The following NDUFAF6 variants were observed in gnomAD, a reference collection of about 807,000 sequenced individuals.
NDUFAF6 encodes the protein NADH:ubiquinone oxidoreductase complex assembly factor 6.
In NDUFAF6, 45 loss-of-function variants were observed where a neutral mutation model predicts 40.8. That is an observed-to-expected ratio of 1.10 (90% CI 0.87 to 1.42). The LOEUF (loss-of-function observed/expected upper bound fraction) is 1.42, where lower values mean the gene tolerates loss of function less well. Ranked by LOEUF, NDUFAF6 falls within the 40% of genes most tolerant of loss-of-function variation. The pLI is 0.00. For synonymous variants in NDUFAF6, 185 were observed against 155.9 expected, an observed-to-expected ratio of 1.19 and a Z score of -1.39; for missense variants, 435 against 418.5, an observed-to-expected ratio of 1.04 and a Z score of -0.34.
intron 1 of NDUFAF6, chr8:94,928,211 A>C (rs1445805819): frequency 7.0e-6 from 1 of 142,058 alleles, no homozygotes; most frequent in East Asian, 2.1e-4. Context: ...AGCCCCAGGT[A>C]AGGCAAACAA....
intron 2 of NDUFAF6, among the ~76,000 whole-genome samples, chr8:94,952,585 T>C (rs1019944108): frequency 7.9e-5 from 12 of 152,318 alleles, no homozygotes; most frequent in African/African-American, 2.9e-4. Context: ...TCTGACTGGG[T>C]CTCCAGAAAG....
chr8:95,091,698 G>A (rs1291365462), intron 2 of NDUFAF6, among the ~76,000 whole-genome samples: 1 of 151,610 alleles, frequency 6.6e-6, no homozygotes, highest in African/African-American at 2.4e-5. Context: ...GGAGTGCAGT[G>A]GCGCCATCCT....
At chr8:95,026,994 C>T (rs1213070976) in intron 1 of NDUFAF6, among the ~76,000 whole-genome samples, 1 of 152,152 alleles carries the variant, frequency 6.6e-6, no homozygotes, top group East Asian at 1.9e-4. Context: ...TGCTATGAGC[C>T]GAGTTTGCTC....
chr8:94,899,694 C>T (rs1817890085), intron 1 of NDUFAF6, among the ~76,000 whole-genome samples: 1 of 152,200 alleles, frequency 6.6e-6, no homozygotes, highest in South Asian at 2.1e-4. Flanking sequence ...CACATTCATG[C>T]TTTATTTCCC....
chr8:94,984,385 G>A (rs1393171860), intron 2 of NDUFAF6, among the ~76,000 whole-genome samples: 1 of 152,174 alleles, frequency 6.6e-6, no homozygotes, highest in East Asian at 1.9e-4. Context: ...TTGGGCAAGA[G>A]CCATATATGT....
chr8:94,980,101 CG>C (rs1313170610), intron 1 of NDUFAF6, among the ~76,000 whole-genome samples: 15 of 128,716 alleles, frequency 1.2e-4, no homozygotes, highest in Non-Finnish European at 1.2e-4. Context: ...TGTCTCAAAG[CG>C]AAAAAAAAAA....
intron 1 of NDUFAF6, among the ~76,000 whole-genome samples, chr8:94,897,194 C>T (rs141619358): frequency 6.6e-6 from 1 of 152,276 alleles, no homozygotes; most frequent in African/African-American, 2.4e-5. Flanking sequence ...TTGTGGGAAT[C>T]ATCTTTGAAT....
intron 1 of NDUFAF6, chr8:94,926,028 G>A (rs775581704): frequency 4.1e-4 from 62 of 152,708 alleles, no homozygotes; most frequent in Non-Finnish European, 2.8e-4. Context: ...TCCAGGTAGT[G>A]CAAAATGCAC....
rs189978917 is a variant in NDUFAF6 at position 94,903,912 on chromosome 8, C to G, written c.-936+7985C>G. On this transcript the variant is annotated intron_variant, in intron 1 of 14. Transcript: ENST00000396113. ...GGGCAGGCAGCACTGTCCTTTCCCA[C>G]TCCTGTGCCTCTCTCTTCTTAGAGA... is the stretch of plus-strand genomic sequence containing the variant. 5.1e-4 allele frequency among the ~76,000 whole-genome samples: 78 copies of G among 152,288 alleles called. 1 individual carries two copies. The highest frequency in any genetic ancestry group is 4.9e-3 in the Admixed American group (75 of 15,302).
chr8:95,032,126 G>T (rs190300762), intron 2 of NDUFAF6, 32 bp downstream of exon 2: 84 of 1,555,012 alleles, frequency 5.4e-5, no homozygotes, highest in Non-Finnish European at 1.5e-5. Context: ...AATATTATTT[G>T]CGAAATGGTG....
chr8:95,045,739 C>A, intron 5 of NDUFAF6, 92 bp downstream of exon 5: 1 of 963,900 alleles, frequency 1.0e-6, no homozygotes. Flanking sequence ...ACCAGTTTAG[C>A]ACTAAAGCCT....
At chr8:95,040,840 C>G (rs182161947) in intron 3 of NDUFAF6, 109 of 150,512 alleles carry the variant, frequency 7.2e-4, no homozygotes, top group African/African-American at 2.7e-3. Flanking sequence ...TGAATCTCTC[C>G]CCTGCCTCAC....
At chr8:95,027,836 T>C (rs1339054541) in intron 1 of NDUFAF6, among the ~76,000 whole-genome samples, 1 of 152,248 alleles carries the variant, frequency 6.6e-6, no homozygotes, top group African/African-American at 2.4e-5. Flanking sequence ...GTGCATTTTA[T>C]GCAAGGCCTC....
At chr8:94,915,509 T>C (rs1819072591) in intron 1 of NDUFAF6, among the ~76,000 whole-genome samples, 1 of 152,220 alleles carries the variant, frequency 6.6e-6, no homozygotes, top group Non-Finnish European at 1.5e-5. Flanking sequence ...TTTGCTGTTG[T>C]GTATAGTGCT....
At chr8:95,061,596 A>G (rs1333054698), downstream of NDUFAF6, among the ~76,000 whole-genome samples, 2 of 152,304 alleles carry the variant, frequency 1.3e-5, no homozygotes, top group Admixed American at 6.5e-5. Context: ...GGAAAACTAC[A>G]AAGTTATTTC....
upstream of NDUFAF6, among the ~76,000 whole-genome samples, chr8:95,098,759 T>C (rs575970082): frequency 6.6e-6 from 1 of 152,120 alleles, no homozygotes; most frequent in South Asian, 2.1e-4. Flanking sequence ...CATATTGCCA[T>C]GTTAAAATAC....
chr8:95,050,815 A>G (rs1484153231), intron 7 of NDUFAF6, among the ~76,000 whole-genome samples: 1 of 152,214 alleles, frequency 6.6e-6, no homozygotes, highest in Non-Finnish European at 1.5e-5. Context: ...ATATGTATAC[A>G]TACGTGCCCA....
chr8:95,000,425 T>TA (rs1212173516), intron 2 of NDUFAF6, among the ~76,000 whole-genome samples: 1 of 152,064 alleles, frequency 6.6e-6, no homozygotes, highest in Non-Finnish European at 1.5e-5. Context: ...ATGCTAGAGA[T>TA]ACGGTGGGAA....
At chr8:94,992,166 C>T (rs114276178) in intron 2 of NDUFAF6, among the ~76,000 whole-genome samples, 1,538 of 152,016 alleles carry the variant, frequency 0.01, 28 homozygotes, top group African/African-American at 0.035. Context: ...GATAGGTGGG[C>T]CCAGAGAGAA....
Sources: gnomAD v4.1 joint callset for allele counts (sites outside exome capture counted in the v4.1 genomes callset) on GRCh38, gnomAD v4.1.1 for gene constraint, MANE v1.5 for transcripts, NCBI Gene and HGNC (gene_info 2026-07-23, HGNC 2026-07-21) for gene names.